MGAT5: variants seen among roughly 807,000 people sequenced by gnomAD.
MGAT5 encodes alpha-1,6-mannosylglycoprotein 6-beta-N-acetylglucosaminyltransferase A.
Under a neutral mutation model 94.3 loss-of-function variants are expected in MGAT5, and 30 were observed. That is an observed-to-expected ratio of 0.32 (90% confidence interval 0.24 to 0.43). The LOEUF (loss-of-function observed/expected upper bound fraction) is 0.43. Among genes scored for constraint, MGAT5 ranks in the 20% least tolerant of loss-of-function variants. MGAT5 has a pLI of 1.00. For missense variants in MGAT5, 691 were observed against 905.5 expected, an observed-to-expected ratio of 0.76 and a Z score of 3.04; for synonymous variants, 310 against 322.9, an observed-to-expected ratio of 0.96 and a Z score of 0.43.
intron 3 of MGAT5, among the ~76,000 whole-genome samples, chr2:134,318,037 A>G (rs1687099803): frequency 6.6e-6 from 1 of 152,206 alleles, no homozygotes; most frequent in Non-Finnish European, 1.5e-5. Context: ...TTTGTGGTTG[A>G]GTACTGAGAG....
intron 1 of MGAT5, among the ~76,000 whole-genome samples, chr2:134,198,162 C>A (rs1481507467): frequency 1.3e-5 from 2 of 152,194 alleles, no homozygotes; most frequent in Non-Finnish European, 2.9e-5. Flanking sequence ...CCTTCTTCTT[C>A]TGGTTCTTCA....
In MGAT5 at chr2:134,446,040, G is replaced by T. The variant is rs72982211; in HGVS notation, c.2028-2609G>T. ...GGCTTAGAAGACACTGGGGCCAGGG[G>T]GTTGGTTAGAGCCCTGCATTCCACA... On this transcript the variant is annotated intron_variant, in intron 15 of 15. Coordinates refer to ENST00000281923, the MANE Select transcript of MGAT5 (RefSeq NM_002410.5). Among the ~76,000 whole-genome samples, 591 of 152,270 alleles carry T rather than the reference G, an allele frequency of 3.9e-3. 4 individuals carry two copies. Among genetic ancestry groups the T allele is most frequent in the African/African-American group, 0.014 (571 of 41,554 alleles).
intron 1 of MGAT5, among the ~76,000 whole-genome samples, chr2:134,199,753 C>G (rs932457160): frequency 6.6e-6 from 1 of 151,998 alleles, no homozygotes; most frequent in Admixed American, 6.5e-5. Context: ...TTATTTGAAC[C>G]TTCAACTGTG....
At chr2:134,202,940 C>G (rs995936320) in intron 1 of MGAT5, among the ~76,000 whole-genome samples, 2 of 152,136 alleles carry the variant, frequency 1.3e-5, no homozygotes, top group Non-Finnish European at 2.9e-5. Flanking sequence ...AATGCGTGGG[C>G]CCACCTGTCC....
intron 1 of MGAT5, among the ~76,000 whole-genome samples, chr2:134,159,863 T>A (rs77067211): frequency 6.6e-6 from 1 of 152,294 alleles, no homozygotes; most frequent in East Asian, 1.9e-4. Context: ...TCCTCTTCTC[T>A]CCTTACTCCC....
chr2:134,159,553 A>G (rs138045966), intron 1 of MGAT5, among the ~76,000 whole-genome samples: 4 of 152,320 alleles, frequency 2.6e-5, no homozygotes, highest in Non-Finnish European at 5.9e-5. Context: ...CATAAGTAGT[A>G]TGAGGCTGGG....
chr2:134,371,945 A>T (rs78690950), intron 10 of MGAT5, among the ~76,000 whole-genome samples: 1 of 58,120 alleles, frequency 1.7e-5, no homozygotes, highest in Non-Finnish European at 2.7e-5. Context: ...TGTTTTGTTT[A>T]AAAAAAAAAA....
intron 1 of MGAT5, among the ~76,000 whole-genome samples, chr2:134,170,947 CT>C (rs1266398386): frequency 6.6e-6 from 1 of 151,922 alleles, no homozygotes; most frequent in Non-Finnish European, 1.5e-5. Flanking sequence ...TAACCTCTGC[CT>C]CCTGGGTCCA....
At chr2:134,335,443 T>C (rs547413114) in intron 4 of MGAT5, among the ~76,000 whole-genome samples, 30 of 152,290 alleles carry the variant, frequency 2.0e-4, no homozygotes, top group African/African-American at 7.2e-4. Context: ...ATTTTTTTGC[T>C]AGAAATTAAG....
At chr2:134,315,730 G>A (rs1390762055) in intron 2 of MGAT5, among the ~76,000 whole-genome samples, 1 of 152,224 alleles carries the variant, frequency 6.6e-6, no homozygotes, top group African/African-American at 2.4e-5. Flanking sequence ...TAGAGGCGGA[G>A]TCATTCCCAT....
chr2:134,311,966 C>T (rs1686698615), intron 2 of MGAT5, among the ~76,000 whole-genome samples: 1 of 152,140 alleles, frequency 6.6e-6, no homozygotes, highest in African/African-American at 2.4e-5. Context: ...AGATTTTCTC[C>T]AGGCCGGGTA....
At chr2:134,247,246 C>CT (rs1469400091) in intron 1 of MGAT5, among the ~76,000 whole-genome samples, 1 of 151,428 alleles carries the variant, frequency 6.6e-6, no homozygotes, top group South Asian at 2.1e-4. Flanking sequence ...ATATGGGAGT[C>CT]AGGCAAGCAG....
At chr2:134,256,425 C>G (rs1486831923) in intron 1 of MGAT5, among the ~76,000 whole-genome samples, 2 of 152,092 alleles carry the variant, frequency 1.3e-5, no homozygotes, top group Non-Finnish European at 2.9e-5. Flanking sequence ...GTAATTTTCT[C>G]TTGTTTCTCT....
At chr2:134,419,337 TAATATAAACTG>T (rs1053006233) in intron 12 of MGAT5, among the ~76,000 whole-genome samples, 1 of 152,190 alleles carries the variant, frequency 6.6e-6, no homozygotes, top group African/African-American at 2.4e-5. Flanking sequence ...GGTTATGTTT[TAATATAAACTG>T]GATTTTTATC....
intron 1 of MGAT5, among the ~76,000 whole-genome samples, chr2:134,199,980 A>C (rs2105276256): frequency 6.6e-6 from 1 of 152,308 alleles, no homozygotes; most frequent in African/African-American, 2.4e-5. Context: ...ACAGTCTTAA[A>C]ATCATTGATT....
intron 2 of MGAT5, among the ~76,000 whole-genome samples, chr2:134,305,757 G>A (rs1686289395): frequency 6.6e-6 from 1 of 152,156 alleles, no homozygotes; most frequent in African/African-American, 2.4e-5. Context: ...TAAGTTATCT[G>A]TGTAACACCC....
At chr2:134,179,173 T>C (rs2105160762) in intron 1 of MGAT5, among the ~76,000 whole-genome samples, 1 of 152,320 alleles carries the variant, frequency 6.6e-6, no homozygotes, top group Middle Eastern at 3.4e-3. Flanking sequence ...TATCCTTTTT[T>C]TGTGCCTTTT....
At chr2:134,177,655 TG>T (rs913330831) in intron 1 of MGAT5, among the ~76,000 whole-genome samples, 10 of 152,226 alleles carry the variant, frequency 6.6e-5, no homozygotes, top group African/African-American at 2.4e-4. Flanking sequence ...CTATTACGCC[TG>T]GGCATGATGA....
chr2:134,299,716 G>A (rs1161666026), intron 2 of MGAT5, among the ~76,000 whole-genome samples: 1 of 152,050 alleles, frequency 6.6e-6, no homozygotes, highest in African/African-American at 2.4e-5. Flanking sequence ...GATTGGATGT[G>A]TACAGACTCC....
Sources: gnomAD v4.1 joint callset for allele counts (sites outside exome capture counted in the v4.1 genomes callset) on GRCh38, gnomAD v4.1.1 for gene constraint, MANE v1.5 for transcripts, NCBI Gene and HGNC (gene_info 2026-07-23, HGNC 2026-07-21) for gene names.